The following PAX7 variants were observed in gnomAD, a reference collection of about 807,000 sequenced individuals.
The protein encoded by PAX7 is paired box 7.
Under a neutral mutation model 50.7 loss-of-function variants are expected in PAX7, and 18 were observed. That is an observed-to-expected ratio of 0.36 (90% CI 0.25 to 0.53). The LOEUF (loss-of-function observed/expected upper bound fraction) is 0.53, where lower values mean the gene tolerates loss of function less well. Ranked by LOEUF, PAX7 falls within the 20% of genes least tolerant of loss-of-function variation. PAX7 has a pLI of 0.93. For missense variants in PAX7, 644 were observed against 702.9 expected (o/e 0.92, Z 0.95); for synonymous variants, 310 against 290.4 (o/e 1.07, Z -0.69).
chr1:18,634,270 T>A lies in PAX7; in HGVS notation c.86-33T>A. 1 of 1,565,198 alleles carries A rather than the reference T, an allele frequency of 6.4e-7. No individual in the cohort carries two copies. The highest frequency in any genetic ancestry group is 8.8e-7 in the Non-Finnish European group (1 of 1,140,600). ...CTGCTCTCCATCCTCACCCTGCACC[T>A]CTCTCCTTCTGCATCTCCCCTCCCT... On this transcript the variant is annotated intron_variant, in intron 1 of 8. Coordinates refer to ENST00000420770, the MANE Select transcript of PAX7 (RefSeq NM_001135254.2). This position sits in a 1 kb window ranked among gnomAD's most constrained non-coding sequence, Gnocchi z 4.0.
intron 7 of PAX7, among the ~76,000 whole-genome samples, chr1:18,721,796 T>C (rs543138880): frequency 5.3e-5 from 8 of 152,304 alleles, no homozygotes; most frequent in African/African-American, 1.9e-4. Context: ...TTCAGCAACT[T>C]GAAGGCCCTG....
At chr1:18,645,758 T>A (rs2088328645) in intron 4 of PAX7, among the ~76,000 whole-genome samples, 1 of 152,192 alleles carries the variant, frequency 6.6e-6, no homozygotes, top group South Asian at 2.1e-4. Flanking sequence ...TGCTCTGGCT[T>A]TACCTGGGCT....
At chr1:18,713,657 T>A (rs1434733882) in intron 7 of PAX7, among the ~76,000 whole-genome samples, 1 of 151,850 alleles carries the variant, frequency 6.6e-6, no homozygotes, top group Non-Finnish European at 1.5e-5. Flanking sequence ...TAAATTAGAG[T>A]ATTCATTGTA....
At chr1:18,651,646 A>C (rs1490580381) in intron 4 of PAX7, among the ~76,000 whole-genome samples, 2 of 152,212 alleles carry the variant, frequency 1.3e-5, no homozygotes, top group Non-Finnish European at 2.9e-5. Context: ...TTAATTTATC[A>C]GTGGTGGGTA....
At chr1:18,725,588 G>C (rs965674353) in intron 7 of PAX7, among the ~76,000 whole-genome samples, 1 of 152,204 alleles carries the variant, frequency 6.6e-6, no homozygotes, top group Non-Finnish European at 1.5e-5. Context: ...GCTTAGTAAG[G>C]CCAGATACAT....
chr1:18,680,148 T>G (rs1362036364), intron 4 of PAX7, among the ~76,000 whole-genome samples: 1 of 152,126 alleles, frequency 6.6e-6, no homozygotes, highest in Non-Finnish European at 1.5e-5. Flanking sequence ...CTGGGACAGT[T>G]GTATCAAGGG....
chr1:18,734,462 C>T (rs1018157812), intron 7 of PAX7, among the ~76,000 whole-genome samples: 113 of 152,210 alleles, frequency 7.4e-4, no homozygotes, highest in Non-Finnish European at 2.6e-4. Flanking sequence ...CTGCCCTCTC[C>T]CCTGCTCTGC....
In PAX7 at chr1:18,634,011, C is replaced by G. The variant is rs1466952425; in HGVS notation, c.86-292C>G. On this transcript the variant is annotated intron_variant, in intron 1 of 8. Transcript: ENST00000420770. The surrounding 1 kb of genome is among the most constrained non-coding windows in gnomAD (Gnocchi z 4.0). ...CCCTTCTTAGCAGCATTCGAATCCC[C>G]CAGGTGTGTCCTCATCCCTCGTAGT... Among the ~76,000 whole-genome samples the G allele has an allele frequency of 5.9e-5, 9 of 152,224 alleles. No homozygotes were observed. Among genetic ancestry groups the G allele is most frequent in the Non-Finnish European group, 1.0e-4 (7 of 68,042 alleles).
intron 3 of PAX7, among the ~76,000 whole-genome samples, chr1:18,635,668 T>A (rs1430002322): frequency 6.6e-6 from 1 of 152,028 alleles, no homozygotes; most frequent in Non-Finnish European, 1.5e-5. Context: ...GGATCTGTCC[T>A]AGGAGGGTGG....
At chr1:18,649,703 C>G (rs1270940292) in intron 4 of PAX7, among the ~76,000 whole-genome samples, 1 of 152,202 alleles carries the variant, frequency 6.6e-6, no homozygotes, top group Non-Finnish European at 1.5e-5. Flanking sequence ...AAGGGTTAGT[C>G]TGTCCACCAT....
At position 18,649,814 on chromosome 1, in the gene PAX7, C is replaced by T. The variant is rs557638306; in HGVS notation, c.586+13443C>T. 7.2e-5 allele frequency among the ~76,000 whole-genome samples: 11 copies of T among 152,354 alleles called. No individual in the cohort carries two copies. In the East Asian group the frequency reaches 1.9e-3, roughly 27 times the overall value. On this transcript the variant is annotated intron_variant, in intron 4 of 8. Transcript: ENST00000420770. Reference sequence around the variant, plus strand: ...GGAATTCAGATCCTCATGTAAATGGCCCCATGCAGAGGCCCTAGCCTGAGC... The same window carrying T: ...GGAATTCAGATCCTCATGTAAATGGTCCCATGCAGAGGCCCTAGCCTGAGC...
rs369312322 is a variant in PAX7, at chr1:18,653,502, A to G, written c.586+17131A>G. On this transcript the variant is annotated intron_variant, in intron 4 of 8. Coordinates refer to ENST00000420770, the MANE Select transcript of PAX7 (RefSeq NM_001135254.2). ...GTGTGCTGGTGGCTGTGTTCCTGTG[A>G]TATGGAATGTACTGTCTGAGAATGT... Among the ~76,000 whole-genome samples, 245 of 152,040 alleles carry G rather than the reference A, an allele frequency of 1.6e-3. 1 individual carries two copies. The highest frequency in any genetic ancestry group is 0.01 in the South Asian group (50 of 4,796).
In PAX7 at chr1:18,735,802, C is replaced by T. The variant is rs2100406048; in HGVS notation, c.1326C>T (p.Tyr442=). The T allele has an allele frequency of 6.2e-7, 1 of 1,614,178 alleles. No homozygotes were observed. The highest frequency in any genetic ancestry group is 8.5e-7 in the Non-Finnish European group (1 of 1,180,026). ...ACAGCCTGCCCACCTCCCAGGCCTA[C>T]TGCCCACCCACCTACAGCACCACCG... is the stretch of plus-strand genomic sequence containing the variant. ...PGDSLPTSQA[Y]CPPTYSTTGY... Residue 442 remains tyrosine (Y), a synonymous_variant, in exon 8 of 9, where the codon TAC becomes TAT. Coordinates refer to ENST00000420770, the MANE Select transcript of PAX7 (RefSeq NM_001135254.2). The surrounding 1 kb of genome is among the most constrained non-coding windows in gnomAD (Gnocchi z 4.0).
rs2089691583 is a variant in PAX7, at chr1:18,734,899, G to A, written c.1156-733G>A. On this transcript the variant is annotated intron_variant, in intron 7 of 8. Transcript: ENST00000420770. The stretch of plus-strand genomic sequence containing the variant: ...AGTGAACACCTGGACCTCCATCCAG[G>A]TCCCCTAAGCTGAGCTTCTAGAGAC... Among the ~76,000 whole-genome samples, 3 of 152,232 alleles carry A rather than the reference G, an allele frequency of 2.0e-5. No homozygotes were observed. The South Asian group carries it at 6.2e-4, about 32-fold the overall frequency.
In PAX7 at chr1:18,656,940, C is replaced by T. The variant is rs145293855; in HGVS notation, c.586+20569C>T. 4.7e-3 allele frequency among the ~76,000 whole-genome samples: 709 copies of T among 152,068 alleles called. 5 individuals are homozygous for T. Among genetic ancestry groups the T allele is most frequent in the Non-Finnish European group, 6.9e-3 (471 of 67,984 alleles). On this transcript the variant is annotated intron_variant, in intron 4 of 8. Coordinates refer to ENST00000420770, the MANE Select transcript of PAX7 (RefSeq NM_001135254.2). The stretch of plus-strand genomic sequence containing the variant: ...CTGGGAGGTCGAGGTTGCAGTGAGC[C>T]GTGATCACACCACTGCACTGCAGCC...
intron 1 of PAX7, among the ~76,000 whole-genome samples, chr1:18,633,583 G>T (rs2100415743): frequency 6.6e-6 from 1 of 152,280 alleles, no homozygotes. Flanking sequence ...TCCTAAAATT[G>T]TCCCAAAACG....
chr1:18,728,587 G>C (rs112417164), intron 7 of PAX7, among the ~76,000 whole-genome samples: 2 of 151,986 alleles, frequency 1.3e-5, no homozygotes, highest in African/African-American at 4.8e-5. Flanking sequence ...CTGACCGGGC[G>C]TCGTGGCTCA....
intron 4 of PAX7, among the ~76,000 whole-genome samples, chr1:18,675,369 T>C (rs1045172319): frequency 1.3e-5 from 2 of 152,174 alleles, no homozygotes; most frequent in South Asian, 2.1e-4. Flanking sequence ...AATCTTAAGA[T>C]GTTAGAACCA....
Position 18,744,883 on chromosome 1 carries a change from C to T in PAX7, c.1472C>T (p.Ser491Phe), listed in dbSNP as rs1341654814. Residue 491 changes from serine (S) to phenylalanine (F), a missense_variant, in exon 9 of 9, where the codon TCT (serine) becomes TTT (phenylalanine). Transcript: ENST00000420770. ...CGTCGCATGAAGCTCGGGGAGCACT[C>T]TGCTGTGCTGGGACTCCTGCCTGTG... ...TQRRMKLGEH[S>F]AVLGLLPVET... is the part of the protein sequence containing the mutation. The T allele has an allele frequency of 6.4e-7, 1 of 1,556,628 alleles. No homozygotes were observed. The highest frequency in any genetic ancestry group is 8.7e-7 in the Non-Finnish European group (1 of 1,149,736).
Sources: allele counts gnomAD v4.1 joint callset (sites outside exome capture counted in the v4.1 genomes callset), GRCh38; gene constraint gnomAD v4.1.1; non-coding constraint Gnocchi (gnomAD v3.1); transcripts MANE v1.5; gene names NCBI Gene and HGNC (gene_info 2026-07-23, HGNC 2026-07-21).